The following CR1 variants were observed in gnomAD, a reference collection of about 807,000 sequenced individuals.
CR1 encodes complement C3b/C4b receptor 1 (Knops blood group), also known as complement receptor type 1.
In CR1, 116 loss-of-function variants were observed where a neutral mutation model predicts 187.3. The observed-to-expected ratio is 0.62, with a 90% CI of 0.53 to 0.72. CR1 has a LOEUF of 0.72. Among genes scored for constraint, CR1 ranks in the 30% least tolerant of loss-of-function variants. The pLI is 0.00. For missense variants in CR1, 1,731 were observed against 2,110.7 expected (o/e 0.82, Z 3.52); for synonymous variants, 576 against 747.1 (o/e 0.77, Z 3.73).
chr1:207,512,508 G>A lies in CR1; in HGVS notation c.487+854G>A, dbSNP rs141863929. 8.8e-3 allele frequency among the ~76,000 whole-genome samples: 1,347 copies of A among 152,286 alleles called. 12 individuals carry two copies. Among genetic ancestry groups the A allele is most frequent in the African/African-American group, 0.031 (1,287 of 41,564 alleles). ...CCTATGTAGTGAGGGCCAGGCTGAG[G>A]CTGAGAGAAATACAGTGTATAACAT... On this transcript the variant is annotated intron_variant, in intron 4 of 46. Coordinates refer to ENST00000367049, the MANE Select transcript of CR1 (RefSeq NM_000651.6).
chr1:207,614,557 A>G (rs1237161716), intron 40 of CR1, 68 bp downstream of exon 40: 3 of 1,246,106 alleles, frequency 2.4e-6, no homozygotes, highest in Non-Finnish European at 3.5e-6. Context: ...GTTTTTCCGC[A>G]TGGCATCACC....
Position 207,611,819 on chromosome 1 carries a change from G to A in CR1, c.6438G>A (p.Gln2146=), listed in dbSNP as rs551820345. 1.6e-5 allele frequency: 26 copies of A among 1,613,980 alleles called. No homozygotes were observed. In the African/African-American group the frequency reaches 3.5e-4, roughly 22 times the overall value. ...CTGCGTCTCTGCACTGCACGCCCCA[G>A]GGAGACTGGAGCCCTGAAGCCCCTA... The part of the protein sequence containing the change: ...RGAASLHCTP[Q]GDWSPEAPRC... The change falls in exon 38 of 47, where the codon CAG becomes CAA. Residue 2146 remains glutamine (Q), a synonymous_variant. Transcript: ENST00000367049.
At chr1:207,521,294 C>A (rs1338270069) in intron 4 of CR1, among the ~76,000 whole-genome samples, 1 of 152,010 alleles carries the variant, frequency 6.6e-6, no homozygotes, top group East Asian at 1.9e-4. Context: ...CCTTTTGAAC[C>A]TGTAATTTAA....
chr1:207,614,215 TGA>T (rs1337232708), intron 39 of CR1, among the ~76,000 whole-genome samples, 187 bp from the exon 40 acceptor site: 1 of 152,222 alleles, frequency 6.6e-6, no homozygotes, highest in Non-Finnish European at 1.5e-5. Flanking sequence ...AATTGGCCTT[TGA>T]GTTTCTGTCA....
At position 207,502,092 on chromosome 1, in the gene CR1, C is replaced by T. The variant is rs187136988; in HGVS notation, c.122-3812C>T. ...TATAAGTAATTCTTCATTTTTTGTT[C>T]ATTGCAACAAATATGCATTGAGTTC... On this transcript the variant is annotated intron_variant, in intron 1 of 46. Coordinates refer to ENST00000367049, the MANE Select transcript of CR1 (RefSeq NM_000651.6). 4.6e-3 allele frequency among the ~76,000 whole-genome samples: 698 copies of T among 151,960 alleles called. 9 individuals are homozygous for T. The highest frequency in any genetic ancestry group is 0.016 in the African/African-American group (661 of 41,476).
At chr1:207,507,238 A>G (rs368959695) in intron 3 of CR1, 1 of 154,642 alleles carries the variant, frequency 6.5e-6, no homozygotes, top group African/African-American at 2.4e-5. Context: ...GGGTGGCTTA[A>G]CACAAATGAA....
At position 207,617,946 on chromosome 1, in the gene CR1, T is replaced by C. The variant is rs980628845; in HGVS notation, c.6890-125T>C. 51 of 996,914 alleles carry C rather than the reference T, an allele frequency of 5.1e-5. No homozygotes were observed. In the South Asian group the frequency reaches 7.9e-4, roughly 15 times the overall value. 61.8% of individuals were successfully genotyped at this position (996,914 alleles called of 1,614,324 possible). On this transcript the variant is annotated intron_variant, in intron 41 of 46. Coordinates refer to ENST00000367049, the MANE Select transcript of CR1 (RefSeq NM_000651.6). ...TGATCAAATAGGAGGGAGTGGCTTATGACCTGGCTGGTTGAGGTCTTCATG... is the reference window on the plus strand; with the variant it reads ...TGATCAAATAGGAGGGAGTGGCTTACGACCTGGCTGGTTGAGGTCTTCATG...
intron 46 of CR1, among the ~76,000 whole-genome samples, chr1:207,637,441 C>T (rs1438320862): frequency 6.6e-6 from 1 of 152,170 alleles, no homozygotes; most frequent in African/African-American, 2.4e-5. Context: ...TTCCTTGGGG[C>T]AAGGTTTCCC....
At chr1:207,524,858 G>A (rs867224793) in intron 5 of CR1, among the ~76,000 whole-genome samples, 6 of 151,968 alleles carry the variant, frequency 3.9e-5, no homozygotes, top group Middle Eastern at 3.4e-3. Flanking sequence ...AGGAGGGAGG[G>A]ATTTCATGCA....
intron 4 of CR1, 147 bp from the exon 5 acceptor site, chr1:207,523,464 T>C: frequency 2.1e-6 from 3 of 1,395,792 alleles, no homozygotes; most frequent in Non-Finnish European, 2.9e-6. Context: ...CCATTGAAGC[T>C]ACAACTTTAT....
chr1:207,505,680 C>T (rs374981574), intron 1 of CR1, among the ~76,000 whole-genome samples: 37 of 151,892 alleles, frequency 2.4e-4, no homozygotes, highest in Middle Eastern at 3.4e-3. Context: ...ACTAAAAATA[C>T]GAAAATTAGC....
At chr1:207,574,718 C>CT (rs1660684321) in intron 27 of CR1, among the ~76,000 whole-genome samples, 1 of 152,116 alleles carries the variant, frequency 6.6e-6, no homozygotes, top group African/African-American at 2.4e-5. Flanking sequence ...AGTAGACTGA[C>CT]TATATAGAGT....
intron 27 of CR1, among the ~76,000 whole-genome samples, chr1:207,574,054 G>A (rs1347619561): frequency 6.6e-6 from 1 of 152,194 alleles, no homozygotes; most frequent in Non-Finnish European, 1.5e-5. Flanking sequence ...GATCACCTGA[G>A]CCCAGGAGGC....
Position 207,577,786 on chromosome 1 carries a change from C to T in CR1, c.4538-19C>T. 1.2e-6 allele frequency: 2 copies of T among 1,613,382 alleles called. No individual in the cohort carries two copies. Among genetic ancestry groups the T allele is most frequent in the Non-Finnish European group, 1.7e-6 (2 of 1,179,686 alleles). On this transcript the variant is annotated intron_variant, in intron 28 of 46. Coordinates refer to ENST00000367049, the MANE Select transcript of CR1 (RefSeq NM_000651.6). ...TGTCCCAAGGTTTTGTTTTGGTTAA[C>T]TTGCTGTCTCTTTTCCAGGAATTCC...
chr1:207,511,597 A>G lies in CR1; in HGVS notation c.430A>G (p.Thr144Ala). The change falls in exon 4 of 47, where the codon ACA becomes GCA. Residue 144 changes from threonine to alanine, a missense_variant. Thr to Ala is a moderately conservative substitution (Grantham distance 58). Transcript: ENST00000367049. ...CCGACTCATTGGTTCCTCGTCTGCC[A>G]CATGCATCATCTCAGGTGATACTGT... Reference protein sequence around the residue: ...GYRLIGSSSATCIISGDTVIW... With the variant: ...GYRLIGSSSAACIISGDTVIW... 1 of 1,613,470 alleles carries G rather than the reference A, an allele frequency of 6.2e-7. No homozygotes were observed. The highest frequency in any genetic ancestry group is 8.5e-7 in the Non-Finnish European group (1 of 1,179,546).
Position 207,496,333 on chromosome 1 carries a change from C to T in CR1, c.66C>T (p.Cys22=). The part of the protein sequence containing the change: ...VGPPAPGLPF[C]CGGSLLAVVV... Reference sequence around the variant, plus strand: ...CGCCGGCGCCCGGTCTCCCCTTCTGCTGCGGAGGATCCCTGCTGGCGGTTG... The same window carrying T: ...CGCCGGCGCCCGGTCTCCCCTTCTGTTGCGGAGGATCCCTGCTGGCGGTTG... The change falls in exon 1 of 47, where the codon TGC becomes TGT. Residue 22 remains cysteine, a synonymous_variant. Transcript: ENST00000367049. 2 of 1,613,348 alleles carry T rather than the reference C, an allele frequency of 1.2e-6. No individual in the cohort carries two copies. Among genetic ancestry groups the T allele is most frequent in the Admixed American group, 1.7e-5 (1 of 60,030 alleles).
intron 45 of CR1, among the ~76,000 whole-genome samples, chr1:207,623,590 ACACACACACACACAC>A (rs1662386044): frequency 8.4e-4 from 1 of 1,192 alleles, no homozygotes; most frequent in Non-Finnish European, 1.2e-3. Flanking sequence ...ATCTCAAAAC[ACACACACACACACAC>A]ACACACACAC....
chr1:207,502,304 A>T (rs1659295161), intron 1 of CR1, among the ~76,000 whole-genome samples: 1 of 152,234 alleles, frequency 6.6e-6, no homozygotes, highest in Non-Finnish European at 1.5e-5. Context: ...GGAAAAGCAA[A>T]GTGTCGGACT....
At chr1:207,595,593 C>T (rs957400292) in intron 35 of CR1, among the ~76,000 whole-genome samples, 12 of 152,008 alleles carry the variant, frequency 7.9e-5, no homozygotes, top group African/African-American at 2.9e-4. Flanking sequence ...TTTCTGTACT[C>T]GGCCAAGCTG....
Sources: gnomAD v4.1 joint callset for allele counts (sites outside exome capture counted in the v4.1 genomes callset) on GRCh38, gnomAD v4.1.1 for gene constraint, MANE v1.5 for transcripts, NCBI Gene and HGNC (gene_info 2026-07-23, HGNC 2026-07-21) for gene names.